HP: variants seen among roughly 807,000 people sequenced by gnomAD.
HP encodes the protein haptoglobin alpha(1S)-beta.
HP carries 9 observed loss-of-function variants against 23.2 expected under a neutral mutation model. The observed-to-expected ratio is 0.39, with a 90% CI of 0.23 to 0.68. HP has a LOEUF of 0.68. Among genes scored for constraint, HP ranks in the 30% least tolerant of loss-of-function variants. The pLI, the probability that HP is intolerant of heterozygous loss-of-function variation, is 0.47. For synonymous variants in HP, 155 were observed against 183.3 expected, an observed-to-expected ratio of 0.85 and a Z score of 1.25; for missense variants, 433 against 483.6, an observed-to-expected ratio of 0.90 and a Z score of 0.98.
rs2041535332 is a variant in HP at position 72,060,851 on chromosome 16, C to T, written c.1182C>T (p.Ser394=). 6.2e-7 allele frequency: 1 copy of T among 1,608,750 alleles called. No individual in the cohort carries two copies. Among genetic ancestry groups the T allele is most frequent in the African/African-American group, 1.3e-5 (1 of 74,880 alleles). ...ATGGTGTGTATGTGAAGGTGACTTCCATCCAGGACTGGGTTCAGAAGACCA... is the reference window on the plus strand; with the variant it reads ...ATGGTGTGTATGTGAAGGTGACTTCTATCCAGGACTGGGTTCAGAAGACCA... ...AEYGVYVKVT[S]IQDWVQKTIA... The change falls in exon 7 of 7, where the codon TCC becomes TCT. Residue 394 remains serine, a synonymous_variant. Transcript: ENST00000355906.
In HP at chr16:72,057,689, A is replaced by G. The variant is rs1233297217; in HGVS notation, c.265+223A>G. On this transcript the variant is annotated intron_variant, in intron 4 of 6. Coordinates refer to ENST00000355906, the MANE Select transcript of HP (RefSeq NM_005143.5). The stretch of plus-strand genomic sequence containing the variant: ...TTGGGGCCTGAAGGGCACTGGCTGA[A>G]TCCACTGTCGGCACTGCCCACAGAT... 13 of 552,496 alleles carry G rather than the reference A, an allele frequency of 2.4e-5. 4 individuals carry two copies. Among genetic ancestry groups the G allele is most frequent in the Admixed American group, 1.6e-4 (4 of 25,422 alleles). 34.2% of individuals were successfully genotyped at this position (552,496 alleles called of 1,614,324 possible). A position where few individuals can be genotyped will look rare whatever the true frequency, so the allele number is the denominator to read the frequency against.
intron 6 of HP, 63 bp downstream of exon 6, chr16:72,059,251 C>T: frequency 6.4e-7 from 1 of 1,551,256 alleles, no homozygotes; most frequent in South Asian, 1.1e-5. Flanking sequence ...AGAGGCACAG[C>T]CTTCCAGTGC....
intron 1 of HP, chr16:72,055,073 A>ACT: frequency 3.8e-6 from 1 of 265,514 alleles, no homozygotes; most frequent in South Asian, 5.9e-5. Flanking sequence ...TACCTGGGAT[A>ACT]CATCTAATTA....
chr16:72,059,917 T>TA (rs754828029), intron 6 of HP, 195 bp from the exon 7 acceptor site: 283 of 1,307,898 alleles, frequency 2.2e-4, no homozygotes, highest in Non-Finnish European at 2.6e-4. Flanking sequence ...GAGCTTTTTG[T>TA]AATGTAAACA....
chr16:72,055,016 C>T (rs2041436744), intron 1 of HP: 1 of 436,522 alleles, frequency 2.3e-6, no homozygotes, highest in Non-Finnish European at 4.1e-6. Flanking sequence ...AATAGTAACA[C>T]ATTTGAATGA....
At chr16:72,059,628 G>A (rs1298923642) in intron 6 of HP, 3 of 264,806 alleles carry the variant, frequency 1.1e-5, no homozygotes, top group Non-Finnish European at 2.2e-5. Flanking sequence ...CAGAACAAGA[G>A]GCAAAGGCCC....
In HP at chr16:72,057,155, T is replaced by C. The variant is rs651242; in HGVS notation, c.191-237T>C. ...GAACCCTGAGCCCTCCCTGTACTGC[T>C]TGGCTGTGACCGCCATGACCACAGT... On this transcript the variant is annotated intron_variant, in intron 3 of 6. Transcript: ENST00000355906. 2.5e-3 allele frequency: 1,482 copies of C among 584,018 alleles called. 263 individuals are homozygous for C. The highest frequency in any genetic ancestry group is 4.1e-3 in the Non-Finnish European group (1,311 of 319,696). The allele number at this position is 584,018 out of a possible 1,614,324, so 36.2% of individuals were successfully genotyped here. A position where few individuals can be genotyped will look rare whatever the true frequency, so the allele number is the denominator to read the frequency against.
At chr16:72,056,970 C>T in intron 3 of HP, 1 of 364,808 alleles carries the variant, frequency 2.7e-6, no homozygotes, top group Non-Finnish European at 4.9e-6. Context: ...TGTCCTGGCA[C>T]TGCTCTAAGG....
rs2041537237 is a variant in HP at position 72,060,949 on chromosome 16, A to C, written c.*59A>C. 1 of 1,520,746 alleles carries C rather than the reference A, an allele frequency of 6.6e-7. No homozygotes were observed. The highest frequency in any genetic ancestry group is 1.4e-5 in the African/African-American group (1 of 71,722). The allele number at this position is 1,520,746 out of a possible 1,614,324, so 94.2% of individuals were successfully genotyped here. A position where few individuals can be genotyped will look rare whatever the true frequency, so the allele number is the denominator to read the frequency against. ...AAGATTTCAGCCTGGAAGAGGGCAA[A>C]GTGGACGGGAGTGGACAGGAGTGGA... On this transcript the variant is annotated 3_prime_UTR_variant, in exon 7 of 7. Transcript: ENST00000355906.
chr16:72,059,964 T>C (rs1422423944), intron 6 of HP, 148 bp from the exon 7 acceptor site: 2 of 1,457,924 alleles, frequency 1.4e-6, no homozygotes, highest in Non-Finnish European at 1.8e-6. Flanking sequence ...CTGCAACTAT[T>C]GGAAATGAGA....
chr16:72,060,748 C>T lies in HP; in HGVS notation c.1079C>T (p.Ala360Val), dbSNP rs1232732777. The T allele has an allele frequency of 3.1e-6, 5 of 1,614,030 alleles. No homozygotes were observed. Among genetic ancestry groups the T allele is most frequent in the South Asian group, 1.1e-5 (1 of 91,090 alleles). Residue 360 changes from alanine (A) to valine (V), a missense_variant, in exon 7 of 7, where the codon GCC becomes GTC. Around this residue, in one of 3 missense-constraint regions of HP, gnomAD observed 326 missense variants for 358.1 expected, o/e 0.91. Coordinates refer to ENST00000355906, the MANE Select transcript of HP (RefSeq NM_005143.5). ...TCYGDAGSAF[A>V]VHDLEEDTWY... ...TATGGCGATGCGGGCAGTGCCTTTG[C>T]CGTTCACGACCTGGAGGAGGACACC...
chr16:72,054,716 C>T (rs367717931), intron 1 of HP, 59 bp downstream of exon 1: 6 of 1,611,626 alleles, frequency 3.7e-6, no homozygotes, highest in South Asian at 1.1e-5. Flanking sequence ...GTCTTTTTTG[C>T]ATACATCGGT....
intron 1 of HP, 99 bp from the exon 2 acceptor site, chr16:72,056,058 CATGT>C: frequency 1.4e-6 from 2 of 1,388,400 alleles, no homozygotes; most frequent in East Asian, 4.8e-5. Context: ...TGTGTGTATG[CATGT>C]GTGTGTGTGT....
rs2041499128 is a variant in HP at position 72,059,116 on chromosome 16, G to A, written c.370G>A (p.Val124Met). 1 of 1,565,186 alleles carries A rather than the reference G, an allele frequency of 6.4e-7. No individual in the cohort carries two copies. Residue 124 changes from valine to methionine, a missense_variant and splice_region_variant, in exon 6 of 7, where the codon GTG (valine) becomes ATG (methionine). By Grantham distance (21) the Val-to-Met change is conservative. Transcript: ENST00000355906. The part of the protein sequence containing the change: ...YYKLRTEGDG[V>M]YTLNNEKQWI... Reference sequence around the variant, plus strand: ...TCACTTCTTGCCTTTTGTTTCAGGAGTGTACACCTTAAACAATGAGAAGCA... The same window carrying A: ...TCACTTCTTGCCTTTTGTTTCAGGAATGTACACCTTAAACAATGAGAAGCA...
chr16:72,054,757 C>G lies in HP; in HGVS notation c.5+100C>G, dbSNP rs1436664035. 121 of 1,590,800 alleles carry G rather than the reference C, an allele frequency of 7.6e-5. No individual in the cohort carries two copies. In the African/African-American group the frequency reaches 1.3e-3, roughly 18 times the overall value. On this transcript the variant is annotated intron_variant, in intron 1 of 6. Transcript: ENST00000355906. ...TGCAGAAATAGAACAAAGAAACGGGCAAATGGGCTAAATTATAGTGAACCA... is the reference window on the plus strand; with the variant it reads ...TGCAGAAATAGAACAAAGAAACGGGGAAATGGGCTAAATTATAGTGAACCA...
intron 6 of HP, chr16:72,059,803 G>A (rs529598134): frequency 9.5e-5 from 49 of 517,124 alleles, no homozygotes; most frequent in Non-Finnish European, 1.5e-4. Flanking sequence ...GGGAATTGTG[G>A]AAATTCCTTT....
intron 1 of HP, chr16:72,054,951 G>T (rs2041435707): frequency 1.0e-5 from 6 of 579,864 alleles, no homozygotes; most frequent in Admixed American, 9.2e-5. Context: ...CTGGCATCCT[G>T]AGTATATTTA....
rs1597408919 is a variant in HP, at chr16:72,056,606, C to T, written c.165C>T (p.Tyr55=). The T allele has an allele frequency of 5.5e-6, 7 of 1,266,476 alleles. No homozygotes were observed. The East Asian group carries it at 1.8e-4, about 33-fold the overall frequency. The allele number at this position is 1,266,476 out of a possible 1,614,324, so 78.5% of individuals were successfully genotyped here. ...EHSVRYQCKN[Y]YKLRTEGDGV... ...CGGTTCGCTACCAGTGTAAGAACTA[C>T]TACAAACTGCGCACAGAAGGAGATG... Residue 55 remains tyrosine (Y), a synonymous_variant, in exon 3 of 7, where the codon TAC becomes TAT. Coordinates refer to ENST00000355906, the MANE Select transcript of HP (RefSeq NM_005143.5).
intron 1 of HP, 112 bp from the exon 2 acceptor site, chr16:72,056,049 G>A: frequency 1.3e-6 from 2 of 1,483,902 alleles, no homozygotes; most frequent in Non-Finnish European, 9.3e-7. Context: ...GGAGGAGTGT[G>A]TGTGTATGCA....
Sources: allele counts gnomAD v4.1 joint callset, GRCh38; gene constraint gnomAD v4.1.1; regional missense constraint gnomAD v4.1.1; transcripts MANE v1.5; gene names NCBI Gene and HGNC (gene_info 2026-07-23, HGNC 2026-07-21).